CATSPERG: variants seen among roughly 807,000 people sequenced by gnomAD.
CATSPERG encodes catsper channel auxiliary subunit gamma.
Under a neutral mutation model 145.0 loss-of-function variants are expected in CATSPERG, and 115 were observed. That is an observed-to-expected ratio of 0.79 (90% confidence interval 0.68 to 0.93). The LOEUF is 0.93. Ranked by LOEUF, CATSPERG falls within the 40% of genes least tolerant of loss-of-function variation. CATSPERG has a pLI of 0.00. For missense variants in CATSPERG, 1,296 were observed against 1,490.1 expected (o/e 0.87, Z 2.14); for synonymous variants, 588 against 589.0 (o/e 1.00, Z 0.02).
chr19:38,350,860 G>A (rs887487173), intron 7 of CATSPERG, among the ~76,000 whole-genome samples: 2 of 152,130 alleles, frequency 1.3e-5, no homozygotes, highest in Admixed American at 6.5e-5. Flanking sequence ...ATGGTGGTGG[G>A]CACCTGTAAT....
intron 20 of CATSPERG, among the ~76,000 whole-genome samples, chr19:38,364,607 G>A (rs1327452795): frequency 6.6e-6 from 1 of 152,244 alleles, no homozygotes; most frequent in South Asian, 2.1e-4. Flanking sequence ...CCGAGATCAC[G>A]CCACTGCACT....
chr19:38,343,798 A>G, intron 4 of CATSPERG, 74 bp downstream of exon 4: 2 of 1,488,120 alleles, frequency 1.3e-6, no homozygotes, highest in Non-Finnish European at 1.8e-6. Context: ...CTGTGGGGCC[A>G]TGATCTGAGG....
At chr19:38,361,518 T>C in intron 16 of CATSPERG, 130 bp from the exon 17 acceptor site, 1 of 735,582 alleles carries the variant, frequency 1.4e-6, no homozygotes, top group Non-Finnish European at 2.2e-6. Flanking sequence ...CAGCAGGGGC[T>C]GACGCTGAGG....
Position 38,365,068 on chromosome 19 carries a change from G to A in CATSPERG, c.2564G>A (p.Gly855Asp), listed in dbSNP as rs267605461. 1 of 1,613,984 alleles carries A rather than the reference G, an allele frequency of 6.2e-7. No homozygotes were observed. Among genetic ancestry groups the A allele is most frequent in the Non-Finnish European group, 8.5e-7 (1 of 1,180,024 alleles). The part of the protein sequence containing the change: ...METSMTVNVV[G>D]SSGLCFQETH... The stretch of plus-strand genomic sequence containing the variant: ...ACCTGCTCCTACCCACAGGTGGTGG[G>A]TTCATCCGGGCTCTGCTTCCAGGAA... The change falls in exon 22 of 29, where the codon GGT (glycine) becomes GAT (aspartate). Residue 855 changes from glycine (G) to aspartate (D), a missense_variant. By Grantham distance (94) the Gly-to-Asp change is moderately conservative. Transcript: ENST00000409235.
In CATSPERG at chr19:38,367,706, G is replaced by T. The variant is rs148888831; in HGVS notation, c.2860G>T (p.Gly954Trp). The T allele has an allele frequency of 1.1e-5, 17 of 1,614,002 alleles. No homozygotes were observed. The African/African-American group carries it at 1.9e-4, about 18-fold the overall frequency. ...GSYVLLVVGG[G>W]PTLDSLKDYS... ...CTATGTTCTGCTGGTGGTGGGTGGC[G>T]GGCCCACACTGGACAGCCTCAAGGA... The change falls in exon 25 of 29, where the codon GGG becomes TGG. Residue 954 changes from glycine (G) to tryptophan (W), a missense_variant. Gly to Trp is a radical substitution (Grantham distance 184, BLOSUM62 -2). Coordinates refer to ENST00000409235, the MANE Select transcript of CATSPERG (RefSeq NM_021185.5).
At chr19:38,346,301 G>C in intron 6 of CATSPERG, 149 bp from the exon 7 acceptor site, 1 of 648,336 alleles carries the variant, frequency 1.5e-6, no homozygotes, top group Non-Finnish European at 2.4e-6. Context: ...AGGGACCGAG[G>C]GGGAGAATGG....
chr19:38,355,517 C>T (rs765632382), intron 9 of CATSPERG, among the ~76,000 whole-genome samples: 4 of 151,506 alleles, frequency 2.6e-5, no homozygotes, highest in East Asian at 1.9e-4. Context: ...GCCAACATGG[C>T]GAAACCCCAT....
intron 26 of CATSPERG, 35 bp downstream of exon 26, chr19:38,368,172 C>A (rs764412350): frequency 6.3e-7 from 1 of 1,584,056 alleles, no homozygotes; most frequent in Non-Finnish European, 8.7e-7. Flanking sequence ...TGGCCCCCAT[C>A]TGTCGGTAGT....
Position 38,344,107 on chromosome 19 carries a change from T to C in CATSPERG, c.584T>C (p.Ile195Thr). The change falls in exon 5 of 29, where the codon ATT becomes ACT. Residue 195 changes from isoleucine to threonine, a missense_variant. By Grantham distance (89) the Ile-to-Thr change is moderately conservative. Coordinates refer to ENST00000409235, the MANE Select transcript of CATSPERG (RefSeq NM_021185.5). ...DISSNGLGTF[I>T]PDKRFQMNIN... ...AGCAGCAATGGCCTGGGGACCTTCA[T>C]TCCAGATAAAAGGTACCCTTTCCCA... 1 of 1,551,620 alleles carries C rather than the reference T, an allele frequency of 6.4e-7. No homozygotes were observed. Among genetic ancestry groups the C allele is most frequent in the Non-Finnish European group, 8.7e-7 (1 of 1,146,952 alleles).
In CATSPERG at chr19:38,362,745, C is replaced by A; in HGVS notation, c.2388C>A (p.Asp796Glu). 6.2e-7 allele frequency: 1 copy of A among 1,614,050 alleles called. No individual in the cohort carries two copies. Among genetic ancestry groups the A allele is most frequent in the African/African-American group, 1.3e-5 (1 of 74,982 alleles). ...GTAFQLHSQV[D>E]VGVVLADPGC... ...CCTTCCAGCTGCATAGCCAGGTGGA[C>A]GTGGGCGTGGTGCTGGCCGACCCCG... Residue 796 changes from aspartate to glutamate, a missense_variant, in exon 20 of 29, where the codon GAC becomes GAA. Asp to Glu is a conservative substitution (Grantham distance 45, BLOSUM62 2). Transcript: ENST00000409235.
intron 16 of CATSPERG, 148 bp downstream of exon 16, chr19:38,360,991 AGAG>A (rs1418876416): frequency 2.9e-6 from 2 of 693,826 alleles, no homozygotes; most frequent in African/African-American, 3.6e-5. Flanking sequence ...ATGGAAGCTC[AGAG>A]GAGGAGCCCA....
chr19:38,362,847 G>GGAGTTGGGA lies in CATSPERG; in HGVS notation c.2475+16_2475+24dup, dbSNP rs1472647289. 1 of 1,488,550 alleles carries GGAGTTGGGA rather than the reference G, an allele frequency of 6.7e-7. No homozygotes were observed. The highest frequency in any genetic ancestry group is 9.4e-7 in the Non-Finnish European group (1 of 1,065,584). The allele number at this position is 1,488,550 out of a possible 1,614,324, so 92.2% of individuals were successfully genotyped here. On this transcript the variant is annotated intron_variant, in intron 20 of 28. Transcript: ENST00000409235. Reference sequence around the variant, plus strand: ...TGCTATTTTCGGTGAGGCCCCCCGGGGAGTTGGGATCAAGGGAGGTTTTGT... The same window carrying GGAGTTGGGA: ...TGCTATTTTCGGTGAGGCCCCCCGGGGAGTTGGGAGAGTTGGGATCAAGGGAGGTTTTGT...
chr19:38,337,166 A>T (rs1399151115), intron 1 of CATSPERG, 55 bp from the exon 2 acceptor site: 2 of 1,529,628 alleles, frequency 1.3e-6, no homozygotes, highest in African/African-American at 2.8e-5. Flanking sequence ...GGAATCTTAA[A>T]AGTGGGCTCC....
At position 38,361,801 on chromosome 19, in the gene CATSPERG, G is replaced by T; in HGVS notation, c.2034G>T (p.Ser678=). 1 of 1,613,052 alleles carries T rather than the reference G, an allele frequency of 6.2e-7. No homozygotes were observed. The highest frequency in any genetic ancestry group is 2.2e-5 in the East Asian group (1 of 44,816). The change falls in exon 17 of 29, where the codon TCG becomes TCT. Residue 678 remains serine, a synonymous_variant. Coordinates refer to ENST00000409235, the MANE Select transcript of CATSPERG (RefSeq NM_021185.5). The part of the protein sequence containing the change: ...LERSGFHNEN[S]LAIYQGLVYY... ...GCTCGGGCTTCCACAACGAGAACTCGCTCGCCATCTACCAGGGCCTGGTCT... is the reference window on the plus strand; with the variant it reads ...GCTCGGGCTTCCACAACGAGAACTCTCTCGCCATCTACCAGGGCCTGGTCT...
chr19:38,338,752 C>A (rs1349526512), intron 3 of CATSPERG, among the ~76,000 whole-genome samples: 1 of 152,060 alleles, frequency 6.6e-6, no homozygotes, highest in Non-Finnish European at 1.5e-5. Context: ...ATGGTGGCTC[C>A]CACCTGTAGA....
intron 1 of CATSPERG, chr19:38,336,540 A>G (rs1248124605): frequency 3.6e-6 from 1 of 277,954 alleles, no homozygotes; most frequent in Admixed American, 4.9e-5. Flanking sequence ...CGGGAGCAAG[A>G]GCAGGGGCGG....
At position 38,367,269 on chromosome 19, in the gene CATSPERG, C is replaced by T. The variant is rs144017491; in HGVS notation, c.2727C>T (p.Cys909=). 1,253 of 1,613,692 alleles carry T rather than the reference C, an allele frequency of 7.8e-4. 5 individuals carry two copies. The highest frequency in any genetic ancestry group is 5.1e-3 in the Middle Eastern group (31 of 6,062). ...SRLKNKHYFD[C]VNVNPEMPCF... ...TGAAGAACAAACACTACTTTGACTG[C>T]GTTAACGTGAACCCGGAGATGCCCT... The change falls in exon 23 of 29, where the codon TGC becomes TGT. Residue 909 remains cysteine, a synonymous_variant. Transcript: ENST00000409235.
chr19:38,366,308 T>G (rs1970447513), intron 22 of CATSPERG: 1 of 152,380 alleles, frequency 6.6e-6, no homozygotes, highest in African/African-American at 2.4e-5. Flanking sequence ...TCCTCCCTCC[T>G]GGCTTAGAAT....
Position 38,350,748 on chromosome 19 carries a change from G to A in CATSPERG, c.826-1513G>A, listed in dbSNP as rs1307702312. 2.6e-5 allele frequency among the ~76,000 whole-genome samples: 4 copies of A among 152,266 alleles called. No individual in the cohort carries two copies. The East Asian group carries it at 7.7e-4, about 29-fold the overall frequency. On this transcript the variant is annotated intron_variant, in intron 7 of 28. Coordinates refer to ENST00000409235, the MANE Select transcript of CATSPERG (RefSeq NM_021185.5). ...TCAGGCCTGTAATCCCAACATTTTG[G>A]GAAGCCAAGGTGAGCAGATCACTTG...
Sources: allele counts gnomAD v4.1 joint callset (sites outside exome capture counted in the v4.1 genomes callset), GRCh38; gene constraint gnomAD v4.1.1; transcripts MANE v1.5; gene names NCBI Gene and HGNC (gene_info 2026-07-23, HGNC 2026-07-21).